The following STEAP1B variants were observed in gnomAD, a reference collection of about 807,000 sequenced individuals.
The protein encoded by STEAP1B is STEAP family protein MGC87042.
Under a neutral mutation model 27.9 loss-of-function variants are expected in STEAP1B, and 13 were observed. The ratio of observed to expected loss-of-function variants is 0.47; its 90% CI spans 0.30 to 0.74. The LOEUF (loss-of-function observed/expected upper bound fraction) is 0.74, where lower values mean the gene tolerates loss of function less well. STEAP1B is among the 30% of genes least tolerant of loss of function. STEAP1B has a pLI of 0.06. For synonymous variants in STEAP1B, 86 were observed against 107.1 expected (o/e 0.80, Z 1.22); for missense variants, 250 against 298.7 (o/e 0.84, Z 1.20).
At chr7:22,438,664 T>C in intron 4 of STEAP1B, 1 of 1,551,962 alleles carries the variant, frequency 6.4e-7, no homozygotes, top group Non-Finnish European at 8.7e-7. Flanking sequence ...CTGCTGCTCC[T>C]GCCAGAAATT....
At chr7:22,461,943 A>C (rs28728057) in intron 4 of STEAP1B, among the ~76,000 whole-genome samples, 22,022 of 152,250 alleles carry the variant, frequency 0.14, 1,782 homozygotes, top group Non-Finnish European at 0.19. Flanking sequence ...ATCTGTGCAA[A>C]GTACTTGAAA....
intron 4 of STEAP1B, among the ~76,000 whole-genome samples, chr7:22,462,434 A>G (rs1278307165): frequency 1.7e-5 from 2 of 119,132 alleles, no homozygotes; most frequent in Admixed American, 9.3e-5. Flanking sequence ...TCCTGTGTCC[A>G]TGTGTTCTCA....
chr7:22,460,336 C>CAAA lies in STEAP1B; in HGVS notation c.762+32226_762+32228dup, dbSNP rs33991000. 4.9e-3 allele frequency among the ~76,000 whole-genome samples: 574 copies of CAAA among 117,656 alleles called. 6 individuals carry two copies. Among genetic ancestry groups the CAAA allele is most frequent in the Middle Eastern group, 0.015 (3 of 204 alleles). The allele number at this position is 117,656 out of a possible 152,430, so 77.2% of individuals were successfully genotyped here. On this transcript the variant is annotated intron_variant, in intron 4 of 4. Transcript: ENST00000678116. ...GGGTGAGACCCTGTTTCAAAACAAACAAAAAAAAAAAAAAAGGAGAGAAGG... is the reference window on the plus strand; with the variant it reads ...GGGTGAGACCCTGTTTCAAAACAAACAAAAAAAAAAAAAAAAAAGGAGAGAAGG...
chr7:22,427,719 T>C (rs911402344), intron 4 of STEAP1B, among the ~76,000 whole-genome samples: 3 of 152,194 alleles, frequency 2.0e-5, no homozygotes, highest in Non-Finnish European at 4.4e-5. Context: ...AGGAAATGTT[T>C]ACAAAAGGAA....
intron 4 of STEAP1B, among the ~76,000 whole-genome samples, chr7:22,488,772 T>C (rs73684101): frequency 0.036 from 5,489 of 152,274 alleles, 164 homozygotes; most frequent in African/African-American, 0.087. Context: ...ATTGCAGACC[T>C]GAACCGCACA....
At chr7:22,440,194 G>C (rs4719694) in intron 4 of STEAP1B, among the ~76,000 whole-genome samples, 8,984 of 152,144 alleles carry the variant, frequency 0.059, 562 homozygotes, top group African/African-American at 0.16. Flanking sequence ...GATCGAGGGG[G>C]GAAATTAACA....
Position 22,419,849 on chromosome 7 carries a change from C to T in STEAP1B, c.763-13G>A. On this transcript the variant is annotated splice_polypyrimidine_tract_variant and intron_variant, in intron 4 of 4. Coordinates refer to ENST00000678116, the MANE Select transcript of STEAP1B (RefSeq NM_001382447.1). ...TCCTACCATGTACCTGGAAGGCAGA[C>T]AGCAAGAAAGAGTTGATGTATAGAA... 5 of 1,549,336 alleles carry T rather than the reference C, an allele frequency of 3.2e-6. No homozygotes were observed. The highest frequency in any genetic ancestry group is 4.4e-6 in the Non-Finnish European group (5 of 1,145,540).
intron 1 of STEAP1B, among the ~76,000 whole-genome samples, chr7:22,499,576 G>C (rs1370320911): frequency 6.6e-5 from 10 of 152,136 alleles, no homozygotes; most frequent in Non-Finnish European, 1.2e-4. Flanking sequence ...GATTTGACCA[G>C]AATTACATAT....
chr7:22,475,718 G>T (rs1003499463), intron 4 of STEAP1B, among the ~76,000 whole-genome samples: 1 of 152,150 alleles, frequency 6.6e-6, no homozygotes, highest in Non-Finnish European at 1.5e-5. Flanking sequence ...AGGAAATCTG[G>T]GAGTGACCAA....
chr7:22,467,713 G>A (rs922472315), intron 4 of STEAP1B, among the ~76,000 whole-genome samples: 12 of 152,060 alleles, frequency 7.9e-5, no homozygotes, highest in Non-Finnish European at 1.5e-4. Flanking sequence ...TTTACCTTCC[G>A]CCATGATTGT....
intron 4 of STEAP1B, among the ~76,000 whole-genome samples, chr7:22,428,224 G>T (rs1236288160): frequency 1.3e-5 from 2 of 152,200 alleles, no homozygotes; most frequent in Admixed American, 6.5e-5. Flanking sequence ...TGTCCTGGGG[G>T]TGCTGAGAGA....
chr7:22,480,084 G>C (rs561907423), intron 4 of STEAP1B, among the ~76,000 whole-genome samples: 1 of 152,326 alleles, frequency 6.6e-6, no homozygotes, highest in South Asian at 2.1e-4. Context: ...CTGTCATACA[G>C]TGTTGTTCTA....
chr7:22,482,970 T>C (rs1786110879), intron 4 of STEAP1B, among the ~76,000 whole-genome samples: 1 of 151,820 alleles, frequency 6.6e-6, no homozygotes, highest in African/African-American at 2.4e-5. Context: ...GAGGTGCACC[T>C]TGTCCATTGA....
chr7:22,460,597 A>C (rs1785661791), intron 4 of STEAP1B, among the ~76,000 whole-genome samples: 1 of 152,080 alleles, frequency 6.6e-6, no homozygotes, highest in Admixed American at 6.6e-5. Context: ...CAGGGGCAGG[A>C]GCTCTTAAGA....
At chr7:22,466,889 A>T (rs1234346601) in intron 4 of STEAP1B, among the ~76,000 whole-genome samples, 1 of 152,170 alleles carries the variant, frequency 6.6e-6, no homozygotes, top group African/African-American at 2.4e-5. Context: ...GATCTTGACC[A>T]AGTTACTTTG....
At position 22,486,977 on chromosome 7, in the gene STEAP1B, CT is replaced by C. The variant is rs529892395; in HGVS notation, c.762+5587del. 3.5e-3 allele frequency among the ~76,000 whole-genome samples: 528 copies of C among 152,340 alleles called. 3 individuals are homozygous for C. The highest frequency in any genetic ancestry group is 9.1e-3 in the South Asian group (44 of 4,828). ...CCTAAAGGCCAGGGTATGATGAAGG[CT>C]GTCACTATAAATGTTAAGAGACATC... On this transcript the variant is annotated intron_variant, in intron 4 of 4. Coordinates refer to ENST00000678116, the MANE Select transcript of STEAP1B (RefSeq NM_001382447.1).
At chr7:22,497,216 T>C (rs558000632) in intron 1 of STEAP1B, among the ~76,000 whole-genome samples, 8 of 152,334 alleles carry the variant, frequency 5.3e-5, no homozygotes, top group African/African-American at 1.4e-4. Context: ...TTCTCTGATA[T>C]TTATATATGG....
intron 4 of STEAP1B, among the ~76,000 whole-genome samples, chr7:22,450,404 T>C (rs1392274156): frequency 6.6e-6 from 1 of 152,190 alleles, no homozygotes; most frequent in African/African-American, 2.4e-5. Context: ...GATATCCAGT[T>C]TTCTTAGCAC....
chr7:22,491,175 A>C (rs1786314888), intron 4 of STEAP1B, among the ~76,000 whole-genome samples: 1 of 152,196 alleles, frequency 6.6e-6, no homozygotes, highest in Non-Finnish European at 1.5e-5. Context: ...TCTGGTGTGG[A>C]CTTTGGTTGA....
Sources: gnomAD v4.1 joint callset for allele counts (sites outside exome capture counted in the v4.1 genomes callset) on GRCh38, gnomAD v4.1.1 for gene constraint, MANE v1.5 for transcripts, NCBI Gene and HGNC (gene_info 2026-07-23, HGNC 2026-07-21) for gene names.